Variants in UNC13D observed in about 807,000 individuals in gnomAD.
The protein encoded by UNC13D is protein unc-13 homolog D.
Under a neutral mutation model 151.7 loss-of-function variants are expected in UNC13D, and 115 were observed. That is an observed-to-expected ratio of 0.76 (90% CI 0.65 to 0.88). The LOEUF (loss-of-function observed/expected upper bound fraction) is 0.88. Ranked by LOEUF, UNC13D falls within the 40% of genes least tolerant of loss-of-function variation. The pLI, the probability that UNC13D is intolerant of heterozygous loss-of-function variation, is 0.00. For synonymous variants in UNC13D, 588 were observed against 612.2 expected, an observed-to-expected ratio of 0.96 and a Z score of 0.58; for missense variants, 1,369 against 1,438.7, an observed-to-expected ratio of 0.95 and a Z score of 0.78.
Position 75,840,155 on chromosome 17 carries a change from C to T in UNC13D, c.859-45G>A, listed in dbSNP as rs763636641. The T allele has an allele frequency of 1.9e-6, 3 of 1,610,884 alleles. No individual in the cohort carries two copies. In the East Asian group the frequency reaches 6.7e-5, roughly 36 times the overall value. ...AGCAGACAGGGCCTCACACTGGGTG[C>T]AGCCAGCCCCGCAACCCAGCAGACC... On this transcript the variant is annotated intron_variant, in intron 10 of 31. Coordinates refer to ENST00000207549, the MANE Select transcript of UNC13D (RefSeq NM_199242.3). The surrounding 1 kb of genome is among the most constrained non-coding windows in gnomAD (Gnocchi z 4.6).
In UNC13D at chr17:75,836,211, G is replaced by C; in HGVS notation, c.1435C>G (p.Pro479Ala). ...WFHLKQQHHQ[P>A]MVQGIPEAGK... ...GCCCAGCCCCTCACCTGCACCATGG[G>C]TTGATGGTGCTGCTGCTTCAGGTGG... The change falls in exon 16 of 32, where the codon CCC becomes GCC. Residue 479 changes from proline (P) to alanine (A), a missense_variant. Around this residue, in one of 3 missense-constraint regions of UNC13D, gnomAD observed 12 missense variants for 34.3 expected, o/e 0.35. Transcript: ENST00000207549. The C allele has an allele frequency of 6.2e-7, 1 of 1,611,786 alleles. No individual in the cohort carries two copies. The highest frequency in any genetic ancestry group is 1.7e-5 in the Admixed American group (1 of 59,838).
Position 75,832,862 on chromosome 17 carries a change from G to C in UNC13D, c.2447+104C>G. On this transcript the variant is annotated intron_variant, in intron 25 of 31. Transcript: ENST00000207549. The surrounding 1 kb of genome is among the most constrained non-coding windows in gnomAD (Gnocchi z 4.3). ...GAGGTGGCGAGCGCGCCCAGGGCAG[G>C]GGCTGCTACACCCCTCAGAACGGAT... is the stretch of plus-strand genomic sequence containing the variant. 3 of 1,185,748 alleles carry C rather than the reference G, an allele frequency of 2.5e-6. No homozygotes were observed. The South Asian group carries it at 4.0e-5, about 16-fold the overall frequency. The allele number at this position is 1,185,748 out of a possible 1,614,324, so 73.5% of individuals were successfully genotyped here. A position where few individuals can be genotyped will look rare whatever the true frequency, so the allele number is the denominator to read the frequency against.
In UNC13D at chr17:75,833,145, G is replaced by C. The variant is rs954223287; in HGVS notation, c.2368-100C>G. ...GAGGGAGGAAACAGGGCTGGGAACC[G>C]TTCTGTGAGAGCAGTTTGTAGTGTC... is the stretch of plus-strand genomic sequence containing the variant. On this transcript the variant is annotated intron_variant, in intron 24 of 31. Coordinates refer to ENST00000207549, the MANE Select transcript of UNC13D (RefSeq NM_199242.3). The surrounding 1 kb of genome is among the most constrained non-coding windows in gnomAD (Gnocchi z 4.0). 5 of 1,217,886 alleles carry C rather than the reference G, an allele frequency of 4.1e-6. No homozygotes were observed. Among genetic ancestry groups the C allele is most frequent in the Middle Eastern group, 2.7e-4 (1 of 3,690 alleles). 75.4% of individuals were successfully genotyped at this position (1,217,886 alleles called of 1,614,324 possible).
chr17:75,833,502 C>T lies in UNC13D; in HGVS notation c.2368-457G>A, dbSNP rs925415766. Among the ~76,000 whole-genome samples, 1 of 152,132 alleles carries T rather than the reference C, an allele frequency of 6.6e-6. No homozygotes were observed. The highest frequency in any genetic ancestry group is 1.5e-5 in the Non-Finnish European group (1 of 68,028). Reference sequence around the variant, plus strand: ...CTAGCACACTGCATGTGTGTGCACGCGCATACACGCCTGTGCATAGAGTTA... The same window carrying T: ...CTAGCACACTGCATGTGTGTGCACGTGCATACACGCCTGTGCATAGAGTTA... On this transcript the variant is annotated intron_variant, in intron 24 of 31. Transcript: ENST00000207549. The surrounding 1 kb of genome is among the most constrained non-coding windows in gnomAD (Gnocchi z 4.0).
intron 2 of UNC13D, 92 bp from the exon 3 acceptor site, chr17:75,843,358 C>A (rs1183446277): frequency 2.5e-6 from 4 of 1,574,714 alleles, no homozygotes; most frequent in Non-Finnish European, 3.4e-6. Context: ...GCTTGTGCAG[C>A]GGAGGGAGTT....
chr17:75,843,538 A>C lies in UNC13D; in HGVS notation c.118-19T>G. The stretch of plus-strand genomic sequence containing the variant: ...GCTGGATCTGCAGAGCAAGGTGGAA[A>C]GGCAGTGTCCCGGGAGGCCCAGAGC... On this transcript the variant is annotated intron_variant, in intron 1 of 31. Coordinates refer to ENST00000207549, the MANE Select transcript of UNC13D (RefSeq NM_199242.3). The C allele has an allele frequency of 1.2e-6, 2 of 1,610,694 alleles. No homozygotes were observed. The highest frequency in any genetic ancestry group is 1.7e-6 in the Non-Finnish European group (2 of 1,179,030).
intron 12 of UNC13D, 147 bp downstream of exon 12, chr17:75,839,692 A>AT (rs2064933558): frequency 4.6e-6 from 4 of 873,012 alleles, no homozygotes; most frequent in South Asian, 4.3e-5. Context: ...ACTTTTTAAA[A>AT]TTGGCAACTG....
Position 75,843,183 on chromosome 17 carries a change from A to G in UNC13D, c.237T>C (p.Ser79=), listed in dbSNP as rs1264396971. Residue 79 remains serine, a synonymous_variant, in exon 3 of 32, where the codon TCT becomes TCC. Coordinates refer to ENST00000207549, the MANE Select transcript of UNC13D (RefSeq NM_199242.3). ...HPEPNHVTEA[S]ELLRYLQEAF... ...CCTCCTGCAGGTATCGCAGCAGCTC[A>G]GAGGCCTCCGTCACATGGTTGGGCT... The G allele has an allele frequency of 5.6e-6, 9 of 1,612,208 alleles. No homozygotes were observed. The highest frequency in any genetic ancestry group is 6.8e-6 in the Non-Finnish European group (8 of 1,179,974).
At position 75,834,155 on chromosome 17, in the gene UNC13D, A is replaced by G. The variant is rs1292373923; in HGVS notation, c.2299-12T>C. On this transcript the variant is annotated splice_polypyrimidine_tract_variant and intron_variant, in intron 23 of 31. Transcript: ENST00000207549. ...ATGCCCACCTCCAACTGGAGACACA[A>G]AACGGAAGAAGGAGGGAGGTCAGGG... 1.7e-5 allele frequency: 27 copies of G among 1,613,580 alleles called. No homozygotes were observed. Among genetic ancestry groups the G allele is most frequent in the Non-Finnish European group, 2.3e-5 (27 of 1,179,996 alleles).
In UNC13D at chr17:75,843,005, C is replaced by G. The variant is rs779684660; in HGVS notation, c.321+9G>C. 29 of 1,612,586 alleles carry G rather than the reference C, an allele frequency of 1.8e-5. No homozygotes were observed. Among genetic ancestry groups the G allele is most frequent in the Non-Finnish European group, 2.4e-5 (28 of 1,179,956 alleles). ...CTCCTTGCCCAGGGGGACCCTGGCCCCAGGTTACCTCAAGCTCCCTGACCC... is the reference window on the plus strand; with the variant it reads ...CTCCTTGCCCAGGGGGACCCTGGCCGCAGGTTACCTCAAGCTCCCTGACCC... On this transcript the variant is annotated intron_variant, in intron 4 of 31. Transcript: ENST00000207549.
At chr17:75,831,399 A>T in intron 25 of UNC13D, 51 bp from the exon 26 acceptor site, 1 of 1,543,186 alleles carries the variant, frequency 6.5e-7, no homozygotes, top group Non-Finnish European at 8.8e-7. Flanking sequence ...GCGGTGGCGG[A>T]GGAGGAAGCA....
chr17:75,836,454 GA>G, intron 14 of UNC13D, 25 bp from the exon 15 acceptor site: 1 of 1,611,888 alleles, frequency 6.2e-7, no homozygotes, highest in Non-Finnish European at 8.5e-7. Context: ...GAGCTGTGTC[GA>G]AAGTGCCTGC....
rs543089901 is a variant in UNC13D at position 75,827,878 on chromosome 17, C to T, written c.*87G>A. On this transcript the variant is annotated 3_prime_UTR_variant, in exon 32 of 32. Coordinates refer to ENST00000207549, the MANE Select transcript of UNC13D (RefSeq NM_199242.3). The stretch of plus-strand genomic sequence containing the variant: ...CAAGTGTTAGGCCAGGCTGGAGGGC[C>T]GCGATGTGGCGGGGAAGCCCCAGAC... The T allele has an allele frequency of 1.6e-5, 25 of 1,567,520 alleles. No individual in the cohort carries two copies. The highest frequency in any genetic ancestry group is 2.3e-4 in the Middle Eastern group (1 of 4,390).
Position 75,827,307 on chromosome 17 carries a change from C to T in UNC13D, c.*658G>A, listed in dbSNP as rs115709152. ...TGGCAGGTGCTGTCCGGGGAGGGGG[C>T]GTGCGCAGCAGACACAGCAGCCAAA... On this transcript the variant is annotated 3_prime_UTR_variant, in exon 32 of 32. Transcript: ENST00000207549. The T allele has an allele frequency of 2.9e-3, 1,914 of 658,788 alleles. 23 individuals are homozygous for T. The African/African-American group carries it at 0.031, about 11-fold the overall frequency. 40.8% of individuals were successfully genotyped at this position (658,788 alleles called of 1,614,324 possible).
chr17:75,843,693 G>A lies in UNC13D; in HGVS notation c.118-174C>T, dbSNP rs146700602. ...CCCCCAGCAGGCCTCCTGGAGGTCC[G>A]TCCCTGGGCCCGCCGTGGCTGAGGT... is the stretch of plus-strand genomic sequence containing the variant. On this transcript the variant is annotated intron_variant, in intron 1 of 31. Coordinates refer to ENST00000207549, the MANE Select transcript of UNC13D (RefSeq NM_199242.3). The A allele has an allele frequency of 1.9e-3, 2,732 of 1,459,834 alleles. 37 individuals carry two copies. In the African/African-American group the frequency reaches 0.028, roughly 15 times the overall value. The allele number at this position is 1,459,834 out of a possible 1,614,324, so 90.4% of individuals were successfully genotyped here. A position where few individuals can be genotyped will look rare whatever the true frequency, so the allele number is the denominator to read the frequency against.
rs1490210727 is a variant in UNC13D at position 75,833,993 on chromosome 17, C to G, written c.2367+82G>C. On this transcript the variant is annotated intron_variant, in intron 24 of 31. Transcript: ENST00000207549. This position sits in a 1 kb window ranked among gnomAD's most constrained non-coding sequence, Gnocchi z 4.0. Reference sequence around the variant, plus strand: ...GCTTTGCCTGGTCTGGGGGACTTATCTTTGACACCAAGGCCTTCAATGACC... The same window carrying G: ...GCTTTGCCTGGTCTGGGGGACTTATGTTTGACACCAAGGCCTTCAATGACC... 3 of 1,567,014 alleles carry G rather than the reference C, an allele frequency of 1.9e-6. No homozygotes were observed. The highest frequency in any genetic ancestry group is 2.7e-5 in the African/African-American group (2 of 74,090).
chr17:75,844,192 A>G, intron 1 of UNC13D, 29 bp downstream of exon 1: 1 of 1,607,668 alleles, frequency 6.2e-7, no homozygotes, highest in African/African-American at 1.3e-5. Flanking sequence ...CCCCAAGGCC[A>G]GCTCTCTCCC....
intron 12 of UNC13D, among the ~76,000 whole-genome samples, chr17:75,839,384 C>T (rs1488134743): frequency 7.9e-6 from 1 of 126,776 alleles, no homozygotes; most frequent in Non-Finnish European, 1.6e-5. Flanking sequence ...CCAGCCTGGG[C>T]AACAAGGGTG....
chr17:75,835,029 G>GTGC lies in UNC13D; in HGVS notation c.1880_1882dup (p.Ser627dup), dbSNP rs1490317296. On this transcript the variant is annotated inframe_insertion, in exon 21 of 32. Coordinates refer to ENST00000207549, the MANE Select transcript of UNC13D (RefSeq NM_199242.3). ...GCAGGTGGATAGATCCACCGCTGAT[G>GTGC]TGCTGTGCTTGGTCAGTTCACCCAG... 1 of 1,613,934 alleles carries GTGC rather than the reference G, an allele frequency of 6.2e-7. No homozygotes were observed. Among genetic ancestry groups the GTGC allele is most frequent in the African/African-American group, 1.3e-5 (1 of 74,916 alleles).
Sources: gnomAD v4.1 joint callset for allele counts (sites outside exome capture counted in the v4.1 genomes callset) on GRCh38, gnomAD v4.1.1 for gene constraint, gnomAD v4.1.1 regional missense constraint, Gnocchi (gnomAD v3.1) non-coding constraint, MANE v1.5 for transcripts, NCBI Gene and HGNC (gene_info 2026-07-23, HGNC 2026-07-21) for gene names.